Variants in ETS1 observed in about 807,000 individuals in gnomAD.
ETS1 encodes the protein ETS proto-oncogene 1, transcription factor, also known as protein C-ets-1.
ETS1 carries 15 observed loss-of-function variants against 58.6 expected under a neutral mutation model. The ratio of observed to expected loss-of-function variants is 0.26; its 90% CI spans 0.17 to 0.39. The LOEUF (loss-of-function observed/expected upper bound fraction) is 0.39. ETS1 is among the 10% of genes least tolerant of loss of function. The probability of loss-of-function intolerance (pLI) is 1.00; values close to 1 mark genes in which losing one functional copy is unlikely to be tolerated. For missense variants in ETS1, 417 were observed against 610.5 expected, an observed-to-expected ratio of 0.68 and a Z score of 3.34; for synonymous variants, 214 against 218.2, an observed-to-expected ratio of 0.98 and a Z score of 0.17.
rs752829541 is a variant in ETS1, at chr11:128,480,460, A to G, written c.863-9T>C. 5 of 1,608,476 alleles carry G rather than the reference A, an allele frequency of 3.1e-6. No homozygotes were observed. In the Admixed American group the frequency reaches 8.3e-5, roughly 27 times the overall value. On this transcript the variant is annotated splice_polypyrimidine_tract_variant and intron_variant, in intron 7 of 9. Transcript: ENST00000392668. Reference sequence around the variant, plus strand: ...CTGGCCCCCGAGTTTACCTGGAGGTAAAGGAGGAGGTAGGAAGAGGACAGG... The same window carrying G: ...CTGGCCCCCGAGTTTACCTGGAGGTGAAGGAGGAGGTAGGAAGAGGACAGG...
chr11:128,466,493 C>T (rs892920142), intron 8 of ETS1, among the ~76,000 whole-genome samples: 1 of 152,170 alleles, frequency 6.6e-6, no homozygotes, highest in Non-Finnish European at 1.5e-5. Flanking sequence ...TGCACCAGCT[C>T]CCAGAGGACG....
intron 2 of ETS1, among the ~76,000 whole-genome samples, chr11:128,568,319 ACT>A (rs1365094336): frequency 1.3e-5 from 2 of 152,058 alleles, no homozygotes; most frequent in Non-Finnish European, 2.9e-5. Context: ...CATTCCCGCC[ACT>A]CTCAGCTGGG....
chr11:128,543,900 AT>A (rs771664636), intron 3 of ETS1, among the ~76,000 whole-genome samples: 2 of 152,060 alleles, frequency 1.3e-5, no homozygotes, highest in Non-Finnish European at 2.9e-5. Context: ...ATTTAATCTC[AT>A]TGTGTTCTTA....
At chr11:128,584,555 A>G (rs986619491) in intron 1 of ETS1, among the ~76,000 whole-genome samples, 2 of 152,226 alleles carry the variant, frequency 1.3e-5, no homozygotes, top group African/African-American at 4.8e-5. Flanking sequence ...GAACATACCA[A>G]GTGCTCAGTA....
chr11:128,466,478 T>A (rs1164520860), intron 8 of ETS1, among the ~76,000 whole-genome samples: 1 of 152,202 alleles, frequency 6.6e-6, no homozygotes, highest in Admixed American at 6.5e-5. Context: ...TCAATTCCCG[T>A]GGTTTGCACC....
At chr11:128,487,286 CT>C (rs1203210437) in intron 5 of ETS1, among the ~76,000 whole-genome samples, 8 of 152,212 alleles carry the variant, frequency 5.3e-5, no homozygotes, top group Non-Finnish European at 1.0e-4. Context: ...ATGACTTTTG[CT>C]CTCAAACATA....
intron 2 of ETS1, among the ~76,000 whole-genome samples, chr11:128,560,377 T>C (rs1445609612): frequency 1.3e-5 from 2 of 152,224 alleles, no homozygotes; most frequent in Admixed American, 6.5e-5. Context: ...CCTCCCAAAA[T>C]GCTGGGATTA....
intron 2 of ETS1, among the ~76,000 whole-genome samples, chr11:128,571,260 T>TA (rs1864621997): frequency 6.6e-6 from 1 of 151,496 alleles, no homozygotes; most frequent in Admixed American, 6.6e-5. Context: ...ACTAAAAATA[T>TA]AAAAAATTAG....
At chr11:128,475,148 GC>G (rs902846896) in intron 8 of ETS1, among the ~76,000 whole-genome samples, 10 of 152,348 alleles carry the variant, frequency 6.6e-5, no homozygotes, top group African/African-American at 2.4e-4. Flanking sequence ...CTAGTAACCT[GC>G]TTTTACTCTT....
rs1030198921 is a variant in ETS1, at chr11:128,473,098, T to C, written c.1123+7093A>G. Among the ~76,000 whole-genome samples, 4 of 152,296 alleles carry C rather than the reference T, an allele frequency of 2.6e-5. No individual in the cohort carries two copies. The South Asian group carries it at 6.2e-4, about 24-fold the overall frequency. On this transcript the variant is annotated intron_variant, in intron 8 of 9. Transcript: ENST00000392668. ...ATAACAGAAACTTCCTCATGTGATA[T>C]TTGGTGAAGGATTTAAAAAGTCAGT...
chr11:128,562,344 G>T (rs1025501400), intron 2 of ETS1, among the ~76,000 whole-genome samples: 9 of 152,186 alleles, frequency 5.9e-5, no homozygotes, highest in Admixed American at 2.0e-4. Flanking sequence ...GGGAGACAGA[G>T]GTTGCAGTGA....
chr11:128,587,402 G>A (rs1377755319), intron 1 of ETS1, 86 bp downstream of exon 1: 11 of 152,300 alleles, frequency 7.2e-5, no homozygotes, highest in Non-Finnish European at 1.6e-4. Context: ...TCTCCCTACC[G>A]ACTTACTCTT....
intron 3 of ETS1, among the ~76,000 whole-genome samples, chr11:128,497,240 G>C (rs992554875): frequency 6.6e-6 from 1 of 152,110 alleles, no homozygotes; most frequent in African/African-American, 2.4e-5. Context: ...ACAGTATCTC[G>C]GTTTGCTGCC....
chr11:128,473,299 T>A (rs1157527077), intron 8 of ETS1, among the ~76,000 whole-genome samples: 1 of 152,196 alleles, frequency 6.6e-6, no homozygotes, highest in Admixed American at 6.5e-5. Flanking sequence ...CTTAGAATTA[T>A]ACTGGAAAAA....
chr11:128,550,114 G>T (rs1164161321), intron 3 of ETS1, among the ~76,000 whole-genome samples: 4 of 152,126 alleles, frequency 2.6e-5, no homozygotes, highest in Admixed American at 6.5e-5. Flanking sequence ...GAAAGGTGAG[G>T]GTTGGGAAGC....
intron 1 of ETS1, among the ~76,000 whole-genome samples, chr11:128,578,465 C>T (rs1275239726): frequency 6.6e-6 from 1 of 152,126 alleles, no homozygotes; most frequent in Middle Eastern, 3.2e-3. Context: ...AAGTAAATTA[C>T]ACTTTAATTT....
chr11:128,472,524 C>T (rs962155618), intron 8 of ETS1, among the ~76,000 whole-genome samples: 1 of 152,186 alleles, frequency 6.6e-6, no homozygotes, highest in Non-Finnish European at 1.5e-5. Context: ...ATGTTTACAG[C>T]TCAGGTCCCT....
rs11822739 is a variant in ETS1, at chr11:128,516,719, A to T, written c.215-26143T>A. Among the ~76,000 whole-genome samples, 1,359 of 152,122 alleles carry T rather than the reference A, an allele frequency of 8.9e-3. 14 individuals carry two copies. Among genetic ancestry groups the T allele is most frequent in the Middle Eastern group, 0.051 (15 of 294 alleles). On this transcript the variant is annotated intron_variant, in intron 3 of 9. Coordinates refer to ENST00000392668, the MANE Select transcript of ETS1 (RefSeq NM_001143820.2). ...CCTGACACATGGAATGGACTTTTTTAAAAAAAACTAAATTTTAGGGGAAAA... is the reference window on the plus strand; with the variant it reads ...CCTGACACATGGAATGGACTTTTTTTAAAAAAACTAAATTTTAGGGGAAAA...
chr11:128,523,476 C>T (rs1055018746), intron 3 of ETS1, among the ~76,000 whole-genome samples: 7 of 152,238 alleles, frequency 4.6e-5, no homozygotes, highest in African/African-American at 1.7e-4. Context: ...CCTGAGCAAT[C>T]TCAGAGAAAG....
Sources: allele counts gnomAD v4.1 joint callset (sites outside exome capture counted in the v4.1 genomes callset), GRCh38; gene constraint gnomAD v4.1.1; transcripts MANE v1.5; gene names NCBI Gene and HGNC (gene_info 2026-07-23, HGNC 2026-07-21).